Variants in QTMAN observed in about 807,000 individuals in gnomAD.
The protein encoded by QTMAN is tRNA-queuosine alpha-mannosyltransferase.
At chr2:144,307,159 T>TAAAAAAAAAAAAAAAAAACAATTAA in the QTMAN span, among the ~76,000 whole-genome samples, 1 of 40,462 alleles carries the variant, frequency 2.5e-5, no homozygotes, top group Non-Finnish European at 4.0e-5. Context: ...GACTCCGTCT[T>TAAAAAAAAAAAAAAAAAACAATTAA]AAAAAAAAAA....
At chr2:144,038,799 T>C in the QTMAN span, among the ~76,000 whole-genome samples, 3 of 152,344 alleles carry the variant, frequency 2.0e-5, no homozygotes, top group East Asian at 5.8e-4. Context: ...AATTTAAGAT[T>C]AAAATTAAGG....
At chr2:144,031,810 T>A in the QTMAN span, among the ~76,000 whole-genome samples, 2 of 152,054 alleles carry the variant, frequency 1.3e-5, no homozygotes, top group African/African-American at 4.8e-5. Flanking sequence ...CAGGCTGGAG[T>A]CAGAGGTGCG....
chr2:144,272,842 C>T, the QTMAN span, among the ~76,000 whole-genome samples: 36 of 152,058 alleles, frequency 2.4e-4, no homozygotes, highest in Middle Eastern at 3.4e-3. Flanking sequence ...CTTTAAAATC[C>T]CCATTTTAGC....
chr2:144,062,938 G>A, the QTMAN span, among the ~76,000 whole-genome samples: 1 of 152,128 alleles, frequency 6.6e-6, no homozygotes, highest in Admixed American at 6.5e-5. Flanking sequence ...CCTTCAAGAA[G>A]GGGATGAGAA....
At chr2:144,101,588 T>C in the QTMAN span, among the ~76,000 whole-genome samples, 1 of 152,186 alleles carries the variant, frequency 6.6e-6, no homozygotes, top group Non-Finnish European at 1.5e-5. Context: ...TCTATGATTC[T>C]ATAATGTGAA....
the QTMAN span, among the ~76,000 whole-genome samples, chr2:144,258,946 A>G: frequency 1.3e-5 from 2 of 152,202 alleles, no homozygotes; most frequent in African/African-American, 4.8e-5. Flanking sequence ...TATCAAGTAA[A>G]AAGAAAAGAA....
the QTMAN span, among the ~76,000 whole-genome samples, chr2:143,971,899 G>T: frequency 6.6e-6 from 1 of 152,058 alleles, no homozygotes; most frequent in Admixed American, 6.5e-5. Flanking sequence ...TCACAATTCA[G>T]TCAATATTTT....
the QTMAN span, among the ~76,000 whole-genome samples, chr2:144,210,059 CG>C: frequency 2.6e-3 from 77 of 30,040 alleles, no homozygotes; most frequent in South Asian, 9.2e-3. Flanking sequence ...ATTATGTGGG[CG>C]GGGGGGGGCT....
chr2:143,976,075 G>T, the QTMAN span, among the ~76,000 whole-genome samples: 1 of 152,080 alleles, frequency 6.6e-6, no homozygotes, highest in East Asian at 1.9e-4. Context: ...TCAACCAAGT[G>T]GTCATACAAA....
the QTMAN span, chr2:144,011,561 C>A: frequency 1.1e-6 from 1 of 943,112 alleles, no homozygotes; most frequent in Non-Finnish European, 1.3e-6. Context: ...ACTAATTAAC[C>A]CATCCAGAAC....
At chr2:144,223,607 T>A in the QTMAN span, among the ~76,000 whole-genome samples, 108 of 152,316 alleles carry the variant, frequency 7.1e-4, no homozygotes, top group Non-Finnish European at 1.0e-3. Flanking sequence ...AAAAGCCATA[T>A]AACAATATTG....
At chr2:144,277,176 C>A in the QTMAN span, among the ~76,000 whole-genome samples, 1 of 151,874 alleles carries the variant, frequency 6.6e-6, no homozygotes, top group Non-Finnish European at 1.5e-5. Flanking sequence ...TTAAATTAAT[C>A]ATATTAAAAT....
chr2:144,250,938 T>C, the QTMAN span, among the ~76,000 whole-genome samples: 2 of 152,058 alleles, frequency 1.3e-5, no homozygotes, highest in Admixed American at 6.6e-5. Flanking sequence ...TTTTAGAAGA[T>C]TAAAAGAAAC....
chr2:144,123,912 A>G, the QTMAN span, among the ~76,000 whole-genome samples: 1 of 152,154 alleles, frequency 6.6e-6, no homozygotes, highest in Admixed American at 6.6e-5. Context: ...TCAAAATATC[A>G]CAAGTTTAAA....
the QTMAN span, among the ~76,000 whole-genome samples, chr2:144,249,034 T>C: frequency 3.5e-4 from 54 of 152,360 alleles, no homozygotes; most frequent in East Asian, 9.4e-3. Context: ...AGTTTGACTA[T>C]AGATAAATTT....
At chr2:144,311,817 C>T in the QTMAN span, among the ~76,000 whole-genome samples, 1 of 152,220 alleles carries the variant, frequency 6.6e-6, no homozygotes, top group South Asian at 2.1e-4. Context: ...CATGAATTAA[C>T]TTCAGCTATT....
chr2:144,161,476 G>C, the QTMAN span, among the ~76,000 whole-genome samples: 2 of 152,100 alleles, frequency 1.3e-5, no homozygotes, highest in African/African-American at 4.8e-5. Context: ...TATCTTACCA[G>C]AAAGAAGTTT....
the QTMAN span, among the ~76,000 whole-genome samples, chr2:144,248,212 CTA>C: frequency 1.3e-5 from 2 of 152,006 alleles, no homozygotes; most frequent in Non-Finnish European, 2.9e-5. Flanking sequence ...GTTAAAAAGA[CTA>C]TGTAGTCATT....
At chr2:144,153,252 T>C in the QTMAN span, among the ~76,000 whole-genome samples, 1 of 152,200 alleles carries the variant, frequency 6.6e-6, no homozygotes, top group East Asian at 1.9e-4. Context: ...ATCTTTTATT[T>C]TTTCTTATTC....
Sources: gnomAD v4.1 joint callset for allele counts (sites outside exome capture counted in the v4.1 genomes callset) on GRCh38, gnomAD v4.1.1 for gene constraint, MANE v1.5 for transcripts, NCBI Gene and HGNC (gene_info 2026-07-23, HGNC 2026-07-21) for gene names.